The following DCX variants were observed in gnomAD, a reference collection of about 807,000 sequenced individuals.
DCX encodes doublecortin, also known as neuronal migration protein doublecortin.
In DCX, 4 loss-of-function variants were observed where a neutral mutation model predicts 20.9. The observed-to-expected ratio is 0.19, with a 90% CI of 0.09 to 0.44. The LOEUF (loss-of-function observed/expected upper bound fraction) is 0.44, where lower values mean the gene tolerates loss of function less well. Among genes scored for constraint, DCX ranks in the 20% least tolerant of loss-of-function variants. DCX has a pLI of 0.99. For synonymous variants in DCX, 103 were observed against 111.4 expected (o/e 0.92, Z 0.47); for missense variants, 133 against 296.9 (o/e 0.45, Z 4.06).
Position 111,300,136 on chromosome X carries a change from T to A in DCX, c.*1551A>T, listed in dbSNP as rs2147567617. On this transcript the variant is annotated 3_prime_UTR_variant, in exon 7 of 7. Coordinates refer to ENST00000636035, the MANE Select transcript of DCX (RefSeq NM_001195553.2). ...GCTTCGAATGCTGTGCCTTTCAAAA[T>A]ATCTGCACAATTACAAAGAAATAAG... 1 of 111,891 alleles carries A rather than the reference T, an allele frequency of 8.9e-6. No individual in the cohort carries two copies. The highest frequency in any genetic ancestry group is 3.2e-5 in the African/African-American group (1 of 30,784). 9.2% of individuals were successfully genotyped at this position (111,891 alleles called of 1,213,427 possible). A position where few individuals can be genotyped will look rare whatever the true frequency, so the allele number is the denominator to read the frequency against.
In DCX at chrX:111,406,002, A is replaced by G. The variant is rs147945338; in HGVS notation, c.364+4033T>C. On this transcript the variant is annotated intron_variant, in intron 2 of 6. Coordinates refer to ENST00000636035, the MANE Select transcript of DCX (RefSeq NM_001195553.2). ...AAATTTCATTTATTTTTAGGCTAAA[A>G]ATGTAATAATGTGGCCATTTGAAAA... Among the ~76,000 whole-genome samples, 569 of 112,590 alleles carry G rather than the reference A, an allele frequency of 5.1e-3. 5 individuals carry two copies. Among genetic ancestry groups the G allele is most frequent in the African/African-American group, 0.017 (529 of 31,053 alleles).
At chrX:111,359,284 T>A (rs1450459115) in intron 3 of DCX, among the ~76,000 whole-genome samples, 1 of 111,915 alleles carries the variant, frequency 8.9e-6, no homozygotes, top group Non-Finnish European at 1.9e-5. Context: ...GGAAGTTTAT[T>A]GTGTGATCAA....
At chrX:111,376,715 G>T (rs1446273104) in intron 3 of DCX, among the ~76,000 whole-genome samples, 1 of 111,749 alleles carries the variant, frequency 8.9e-6, no homozygotes, top group Non-Finnish European at 1.9e-5. Flanking sequence ...CTGACAATCT[G>T]CATTTCTAAC....
At chrX:111,324,639 C>T (rs1201448133) in intron 5 of DCX, among the ~76,000 whole-genome samples, 2 of 111,608 alleles carry the variant, frequency 1.8e-5, no homozygotes, top group Non-Finnish European at 3.8e-5. Context: ...AGATTAAATT[C>T]GTTAATACAA....
At chrX:111,358,978 T>C (rs897255581) in intron 3 of DCX, among the ~76,000 whole-genome samples, 2 of 111,981 alleles carry the variant, frequency 1.8e-5, no homozygotes, top group African/African-American at 6.5e-5. Flanking sequence ...ACTTTAAACA[T>C]GTCAGCTCTC....
intron 3 of DCX, among the ~76,000 whole-genome samples, chrX:111,367,567 G>A (rs906213910): frequency 9.0e-5 from 10 of 111,702 alleles, no homozygotes; most frequent in African/African-American, 2.9e-4. Context: ...TGTAAAATGC[G>A]TATTTAATAA....
chrX:111,305,579 T>G (rs1279173277), intron 6 of DCX, among the ~76,000 whole-genome samples: 3 of 109,977 alleles, frequency 2.7e-5, no homozygotes, highest in Non-Finnish European at 3.8e-5. Flanking sequence ...ATCCCCGGCT[T>G]CTGGTAACCT....
At position 111,341,769 on chromosome X, in the gene DCX, C is replaced by G. The variant is rs966503502; in HGVS notation, c.706-8616G>C. Among the ~76,000 whole-genome samples, 3 of 111,259 alleles carry G rather than the reference C, an allele frequency of 2.7e-5. No individual in the cohort carries two copies. The Admixed American group carries it at 2.9e-4, about 11-fold the overall frequency. On this transcript the variant is annotated intron_variant, in intron 3 of 6. Transcript: ENST00000636035. ...TTCCACTGAGAATTTCACATCCAGT[C>G]AAACTAAGCTTCATAAGCAAAGGAG...
At chrX:111,349,165 C>A (rs898992802) in intron 3 of DCX, among the ~76,000 whole-genome samples, 3 of 111,336 alleles carry the variant, frequency 2.7e-5, no homozygotes, top group Non-Finnish European at 5.7e-5. Context: ...TCTATAGATC[C>A]CAAATTAAGA....
At chrX:111,393,280 C>T (rs146545677) in intron 3 of DCX, among the ~76,000 whole-genome samples, 1,174 of 110,956 alleles carry the variant, frequency 0.011, 21 homozygotes, top group African/African-American at 0.036. Flanking sequence ...ATCTATGTGC[C>T]CCTCCCCCAA....
At chrX:111,354,099 C>T (rs2147678126) in intron 3 of DCX, among the ~76,000 whole-genome samples, 1 of 111,618 alleles carries the variant, frequency 9.0e-6, no homozygotes, top group East Asian at 2.8e-4. Context: ...GATGAGTCAA[C>T]TGCAAATTTT....
At chrX:111,398,573 T>A (rs774587580) in intron 3 of DCX, among the ~76,000 whole-genome samples, 6 of 111,396 alleles carry the variant, frequency 5.4e-5, no homozygotes, top group Admixed American at 9.5e-5. Flanking sequence ...GAATGTCATA[T>A]CATATGCTGG....
chrX:111,357,281 G>A (rs1323415867), intron 3 of DCX, among the ~76,000 whole-genome samples: 2 of 111,465 alleles, frequency 1.8e-5, no homozygotes, highest in Non-Finnish European at 3.8e-5. Context: ...ATGTAACCTT[G>A]GTAAGTCATT....
chrX:111,336,046 T>A (rs1164309488), intron 3 of DCX, among the ~76,000 whole-genome samples: 1 of 111,495 alleles, frequency 9.0e-6, no homozygotes, highest in Non-Finnish European at 1.9e-5. Context: ...TAAAAAAAAA[T>A]TAGTAAATGC....
At chrX:111,310,130 A>G (rs1355576896) in intron 6 of DCX, among the ~76,000 whole-genome samples, 2 of 112,063 alleles carry the variant, frequency 1.8e-5, no homozygotes, top group African/African-American at 6.5e-5. Flanking sequence ...CAGGAAATCG[A>G]GACCATCCTG....
intron 6 of DCX, among the ~76,000 whole-genome samples, chrX:111,304,755 G>A (rs73637003): frequency 0.021 from 2,373 of 112,023 alleles, 64 homozygotes; most frequent in African/African-American, 0.073. Flanking sequence ...AAATCAAGCT[G>A]CTGAAAACCT....
intron 3 of DCX, among the ~76,000 whole-genome samples, chrX:111,354,027 A>G (rs1923535554): frequency 8.9e-6 from 1 of 111,848 alleles, no homozygotes; most frequent in Non-Finnish European, 1.9e-5. Context: ...TTCCCTTAAG[A>G]ATGGAGAAAA....
chrX:111,319,944 C>G (rs1475736854), intron 5 of DCX, among the ~76,000 whole-genome samples: 1 of 112,369 alleles, frequency 8.9e-6, no homozygotes. Context: ...TTCCCCTCCA[C>G]CCATTACTCT....
chrX:111,332,912 T>C, intron 4 of DCX, 139 bp downstream of exon 4: 1 of 521,462 alleles, frequency 1.9e-6, no homozygotes, highest in Non-Finnish European at 3.4e-6. Context: ...TGTATCCAAA[T>C]ATACAGGAGA....
Sources: gnomAD v4.1 joint callset for allele counts (sites outside exome capture counted in the v4.1 genomes callset) on GRCh38, gnomAD v4.1.1 for gene constraint, MANE v1.5 for transcripts, NCBI Gene and HGNC (gene_info 2026-07-23, HGNC 2026-07-21) for gene names.